The following STAB1 variants were observed in gnomAD, a reference collection of about 807,000 sequenced individuals.
The protein encoded by STAB1 is stabilin-1.
In STAB1, 250 loss-of-function variants were observed where a neutral mutation model predicts 332.4. The ratio of observed to expected loss-of-function variants is 0.75; its 90% CI spans 0.68 to 0.84. The LOEUF (loss-of-function observed/expected upper bound fraction) is 0.84. STAB1 is among the 40% of genes least tolerant of loss of function. The probability of loss-of-function intolerance (pLI) is 0.00; values close to 1 mark genes in which losing one functional copy is unlikely to be tolerated. For synonymous variants in STAB1, 1,475 were observed against 1,390.4 expected (o/e 1.06, Z -1.35); for missense variants, 3,249 against 3,489.7 (o/e 0.93, Z 1.74).
intron 5 of STAB1, 122 bp from the exon 6 acceptor site, chr3:52,502,510 T>C (rs775534968): frequency 6.6e-6 from 6 of 915,994 alleles, no homozygotes; most frequent in Non-Finnish European, 1.0e-5. Flanking sequence ...ATCACAGCTC[T>C]GTACTCTTAA....
intron 18 of STAB1, 97 bp from the exon 19 acceptor site, chr3:52,507,516 C>T: frequency 7.5e-7 from 1 of 1,330,518 alleles, no homozygotes; most frequent in Non-Finnish European, 1.0e-6. Context: ...TGGCTCTTCT[C>T]ATCCCTTAAT....
At position 52,512,359 on chromosome 3, in the gene STAB1, G is replaced by T. The variant is rs368867105; in HGVS notation, c.2902G>T (p.Gly968Trp). ...CHGLATCRAV[G>W]GGQRVCTCPP... ...ACCCCAGGCCACCTGCCGGGCAGTG[G>T]GGGGAGGTCAGCGGGTCTGCACGTG... is the stretch of plus-strand genomic sequence containing the variant. The change falls in exon 27 of 69, where the codon GGG becomes TGG. Residue 968 changes from glycine to tryptophan, a missense_variant. Gly to Trp is a radical substitution (Grantham distance 184). Coordinates refer to ENST00000321725, the MANE Select transcript of STAB1 (RefSeq NM_015136.3). 1.4e-5 allele frequency: 22 copies of T among 1,612,910 alleles called. No homozygotes were observed. In the East Asian group the frequency reaches 4.7e-4, roughly 34 times the overall value.
chr3:52,495,625 AGGCCTG>A (rs1168845573), intron 1 of STAB1, 134 bp downstream of exon 1: 1 of 807,802 alleles, frequency 1.2e-6, no homozygotes, highest in Non-Finnish European at 1.7e-6. Context: ...GCCTCTTAGC[AGGCCTG>A]GGGGCTGGCT....
intron 8 of STAB1, 62 bp downstream of exon 8, chr3:52,503,602 C>G (rs776774851): frequency 1.4e-4 from 217 of 1,584,830 alleles, no homozygotes; most frequent in Non-Finnish European, 1.8e-4. Flanking sequence ...GCTATGGGAC[C>G]CTGGGCAAGT....
intron 1 of STAB1, among the ~76,000 whole-genome samples, chr3:52,497,531 G>A (rs1177803414): frequency 2.0e-5 from 3 of 148,510 alleles, no homozygotes; most frequent in East Asian, 4.0e-4. Context: ...TCCTGACTCA[G>A]CCTCCCAAGT....
intron 25 of STAB1, 74 bp from the exon 26 acceptor site, chr3:52,511,576 A>T (rs41292374): frequency 9.5e-4 from 1,327 of 1,400,602 alleles, no homozygotes; most frequent in Non-Finnish European, 1.1e-3. Context: ...GTGACCAGAG[A>T]GAGCCAAGTA....
Position 52,513,369 on chromosome 3 carries a change from C to G in STAB1, c.3270+128C>G, listed in dbSNP as rs1036388979. ...TGGGGTCCCCTCGCCCTGCCCAGAG[C>G]CGGGCTCAAAGGATGTGCTCAGGAC... On this transcript the variant is annotated intron_variant, in intron 30 of 68. Coordinates refer to ENST00000321725, the MANE Select transcript of STAB1 (RefSeq NM_015136.3). The G allele has an allele frequency of 7.6e-6, 7 of 923,004 alleles. No homozygotes were observed. In the African/African-American group the frequency reaches 1.0e-4, roughly 13 times the overall value. 57.2% of individuals were successfully genotyped at this position (923,004 alleles called of 1,614,324 possible).
chr3:52,506,138 C>G (rs761671427), intron 16 of STAB1, 32 bp from the exon 17 acceptor site: 1 of 1,598,856 alleles, frequency 6.3e-7, no homozygotes, highest in Non-Finnish European at 8.5e-7. Flanking sequence ...TGGCCAGAGC[C>G]CAGCCTAAAG....
chr3:52,523,162 G>A, intron 63 of STAB1, 28 bp downstream of exon 63: 4 of 1,610,550 alleles, frequency 2.5e-6, no homozygotes, highest in Non-Finnish European at 2.5e-6. Context: ...TTGGGGGCGG[G>A]GGGTGCTGGG....
At chr3:52,499,059 A>T (rs1708245888) in intron 1 of STAB1, among the ~76,000 whole-genome samples, 1 of 152,218 alleles carries the variant, frequency 6.6e-6, no homozygotes, top group Non-Finnish European at 1.5e-5. Flanking sequence ...GAGAAGCCAC[A>T]CATCTGTAAA....
Position 52,506,773 on chromosome 3 carries a change from G to T in STAB1, c.1912G>T (p.Asp638Tyr). 1 of 1,612,864 alleles carries T rather than the reference G, an allele frequency of 6.2e-7. No individual in the cohort carries two copies. Among genetic ancestry groups the T allele is most frequent in the Non-Finnish European group, 8.5e-7 (1 of 1,179,642 alleles). The change falls in exon 18 of 69, where the codon GAC becomes TAC. Residue 638 changes from aspartate (D) to tyrosine (Y), a missense_variant. By Grantham distance (160) the Asp-to-Tyr change is radical. Coordinates refer to ENST00000321725, the MANE Select transcript of STAB1 (RefSeq NM_015136.3). ...CGCCAATGGTGTGATCCACATGCTG[G>T]ACGGCATCCTGCTGCCCCCGACCAT... ...MAANGVIHML[D>Y]GILLPPTILP...
In STAB1 at chr3:52,522,243, G is replaced by C. The variant is rs755598990; in HGVS notation, c.6465+13G>C. 7 of 1,612,050 alleles carry C rather than the reference G, an allele frequency of 4.3e-6. No individual in the cohort carries two copies. The South Asian group carries it at 7.7e-5, about 18-fold the overall frequency. Reference sequence around the variant, plus strand: ...GAGCACCGGCCTGGTGAGCAGGTGGGGGAACCGAGTAGCCAGGGTGGGGAG... The same window carrying C: ...GAGCACCGGCCTGGTGAGCAGGTGGCGGAACCGAGTAGCCAGGGTGGGGAG... On this transcript the variant is annotated intron_variant, in intron 59 of 68. Transcript: ENST00000321725.
intron 55 of STAB1, 111 bp downstream of exon 55, chr3:52,521,116 C>A: frequency 7.5e-7 from 1 of 1,338,892 alleles, no homozygotes. Flanking sequence ...CTGGGGAGCT[C>A]TGGGTGGTGA....
chr3:52,516,692 C>A lies in STAB1; in HGVS notation c.4287C>A (p.Asn1429Lys), dbSNP rs1451444089. 1.2e-6 allele frequency: 2 copies of A among 1,612,308 alleles called. No homozygotes were observed. Among genetic ancestry groups the A allele is most frequent in the Admixed American group, 1.7e-5 (1 of 59,970 alleles). ...AAGCTGCTGCTACCACCCCTCCCAG[C>A]TGCGTGCAGGACTCGGCCGGAGCCT... ...QCPRKCDPNA[N>K]CVQDSAGAST... The change falls in exon 41 of 69, where the codon AAC becomes AAA. Residue 1429 changes from asparagine (N) to lysine (K), a missense_variant and splice_region_variant. Physicochemically the swap from Asn to Lys is moderately conservative, Grantham distance 94 (BLOSUM62 0). Transcript: ENST00000321725.
At chr3:52,504,347 A>T in intron 10 of STAB1, 114 bp from the exon 11 acceptor site, 1 of 1,373,196 alleles carries the variant, frequency 7.3e-7, no homozygotes, top group Non-Finnish European at 1.0e-6. Context: ...CCCTAAATCT[A>T]GGGAGAATAC....
Position 52,505,649 on chromosome 3 carries a change from C to T in STAB1, c.1582-19C>T, listed in dbSNP as rs767168456. 14 of 1,611,192 alleles carry T rather than the reference C, an allele frequency of 8.7e-6. No individual in the cohort carries two copies. Among genetic ancestry groups the T allele is most frequent in the East Asian group, 6.7e-5 (3 of 44,850 alleles). ...AGGCTGGCCATGCAACCCCCTGAGC[C>T]TCCCTTGCACCACCACAGAACTGTG... On this transcript the variant is annotated intron_variant, in intron 14 of 68. Coordinates refer to ENST00000321725, the MANE Select transcript of STAB1 (RefSeq NM_015136.3).
intron 51 of STAB1, 23 bp downstream of exon 51, chr3:52,520,143 G>T: frequency 1.2e-6 from 2 of 1,612,310 alleles, no homozygotes; most frequent in Non-Finnish European, 1.7e-6. Context: ...CCCAACCTTG[G>T]TCTTCACTGC....
At position 52,499,643 on chromosome 3, in the gene STAB1, T is replaced by G. The variant is rs372897741; in HGVS notation, c.79-1523T>G. On this transcript the variant is annotated intron_variant, in intron 1 of 68. Coordinates refer to ENST00000321725, the MANE Select transcript of STAB1 (RefSeq NM_015136.3). The stretch of plus-strand genomic sequence containing the variant: ...GGCCGGGCGCGGTGGCTCACGCCTG[T>G]AATCCCAGCACTTTGGGAGGCCGAG... 6.6e-5 allele frequency among the ~76,000 whole-genome samples: 10 copies of G among 150,702 alleles called. No homozygotes were observed. The East Asian group carries it at 1.9e-3, about 29-fold the overall frequency.
chr3:52,504,115 C>T lies in STAB1; in HGVS notation c.1110C>T (p.Gly370=), dbSNP rs986715934. 1 of 1,592,114 alleles carries T rather than the reference C, an allele frequency of 6.3e-7. No homozygotes were observed. The part of the protein sequence containing the change: ...LHEVQKATQT[G]RVFLQLRVAV... ...AGGTGCAGAAGGCCACGCAGACAGG[C>T]CGGGTGTTCCTGCAGCTGAGGGTCG... The change falls in exon 10 of 69, where the codon GGC becomes GGT. Residue 370 remains glycine, a synonymous_variant. Coordinates refer to ENST00000321725, the MANE Select transcript of STAB1 (RefSeq NM_015136.3).
Sources: allele counts gnomAD v4.1 joint callset (sites outside exome capture counted in the v4.1 genomes callset), GRCh38; gene constraint gnomAD v4.1.1; transcripts MANE v1.5; gene names NCBI Gene and HGNC (gene_info 2026-07-23, HGNC 2026-07-21).